The following ANTXR1 variants were observed in gnomAD, a reference collection of about 807,000 sequenced individuals.
ANTXR1 encodes anthrax toxin receptor 1.
Under a neutral mutation model 78.1 loss-of-function variants are expected in ANTXR1, and 19 were observed. That is an observed-to-expected ratio of 0.24 (90% CI 0.17 to 0.36). The LOEUF (loss-of-function observed/expected upper bound fraction) is 0.36. Among genes scored for constraint, ANTXR1 ranks in the 10% least tolerant of loss-of-function variants. ANTXR1 has a pLI of 1.00. For synonymous variants in ANTXR1, 273 were observed against 260.5 expected (o/e 1.05, Z -0.46); for missense variants, 518 against 718.6 (o/e 0.72, Z 3.19).
chr2:69,176,171 T>TAA (rs5831965), intron 14 of ANTXR1, among the ~76,000 whole-genome samples: 1 of 139,290 alleles, frequency 7.2e-6, no homozygotes, highest in Non-Finnish European at 1.6e-5. Context: ...TTTAATACTT[T>TAA]AAAAAAAAAA....
intron 12 of ANTXR1, among the ~76,000 whole-genome samples, chr2:69,143,251 G>A (rs897802799): frequency 1.3e-5 from 2 of 152,222 alleles, no homozygotes; most frequent in Admixed American, 6.5e-5. Flanking sequence ...TGGTATTAGA[G>A]ATGAAGTAGA....
At chr2:69,073,456 A>G (rs1050417886) in intron 6 of ANTXR1, among the ~76,000 whole-genome samples, 3 of 152,220 alleles carry the variant, frequency 2.0e-5, no homozygotes, top group Admixed American at 6.5e-5. Flanking sequence ...TATATTTTCT[A>G]CTAAAACAGG....
At chr2:69,223,561 C>T (rs1675372054) in intron 17 of ANTXR1, among the ~76,000 whole-genome samples, 1 of 152,098 alleles carries the variant, frequency 6.6e-6, no homozygotes, top group Non-Finnish European at 1.5e-5. Context: ...AAGTTTGATC[C>T]AAACTGGGAG....
rs1676003172 is a variant in ANTXR1, at chr2:69,245,538, C to A, written c.*53C>A. On this transcript the variant is annotated 3_prime_UTR_variant, in exon 18 of 18. Transcript: ENST00000303714. ...TCAGAAACTTCAGGAGATGTTAGAA[C>A]AAGTCTTTCCAGTTAGAGAAGAGGA... 4.4e-6 allele frequency: 7 copies of A among 1,604,130 alleles called. No individual in the cohort carries two copies. Among genetic ancestry groups the A allele is most frequent in the African/African-American group, 1.3e-5 (1 of 74,346 alleles).
chr2:69,105,992 A>G (rs1671796253), intron 10 of ANTXR1, among the ~76,000 whole-genome samples: 1 of 152,236 alleles, frequency 6.6e-6, no homozygotes, highest in Non-Finnish European at 1.5e-5. Context: ...AGATATTAAT[A>G]TGATTTTTCA....
Position 69,013,258 on chromosome 2 carries a change from T to C in ANTXR1, c.-242T>C, listed in dbSNP as rs979904491. On this transcript the variant is annotated 5_prime_UTR_variant, in exon 1 of 18. Coordinates refer to ENST00000303714, the MANE Select transcript of ANTXR1 (RefSeq NM_032208.3). This position sits in a 1 kb window ranked among gnomAD's most constrained non-coding sequence, Gnocchi z 5.0. Reference sequence around the variant, plus strand: ...CCCCGGACCGAGGCAGCCCTCCCCTTTAAAAGAAGCGGAGGACAGGATTGG... The same window carrying C: ...CCCCGGACCGAGGCAGCCCTCCCCTCTAAAAGAAGCGGAGGACAGGATTGG... 4 of 627,094 alleles carry C rather than the reference T, an allele frequency of 6.4e-6. No individual in the cohort carries two copies. Among genetic ancestry groups the C allele is most frequent in the Non-Finnish European group, 1.1e-5 (4 of 362,200 alleles). The allele number at this position is 627,094 out of a possible 1,614,324, so 38.8% of individuals were successfully genotyped here.
chr2:69,098,912 G>A (rs982222904), intron 9 of ANTXR1, among the ~76,000 whole-genome samples: 4 of 152,198 alleles, frequency 2.6e-5, no homozygotes, highest in African/African-American at 9.7e-5. Context: ...CTTTAACTTA[G>A]GAGGCGGAGG....
intron 17 of ANTXR1, among the ~76,000 whole-genome samples, chr2:69,198,226 C>T (rs1674705657): frequency 6.6e-6 from 1 of 152,188 alleles, no homozygotes; most frequent in Admixed American, 6.5e-5. Context: ...TACAAATTAA[C>T]CCTCACATTA....
At chr2:69,184,441 G>A (rs1674370251) in intron 16 of ANTXR1, among the ~76,000 whole-genome samples, 1 of 152,216 alleles carries the variant, frequency 6.6e-6, no homozygotes, top group African/African-American at 2.4e-5. Context: ...TGGCGTGCAT[G>A]CATGTGCAGA....
At chr2:69,170,703 C>A (rs1673960015) in intron 14 of ANTXR1, among the ~76,000 whole-genome samples, 1 of 152,122 alleles carries the variant, frequency 6.6e-6, no homozygotes, top group Non-Finnish European at 1.5e-5. Context: ...ATCATTGGTT[C>A]TAGGAATAAC....
At chr2:69,228,698 A>T (rs1404994924) in intron 17 of ANTXR1, among the ~76,000 whole-genome samples, 1 of 152,134 alleles carries the variant, frequency 6.6e-6, no homozygotes, top group Non-Finnish European at 1.5e-5. Flanking sequence ...GAAACTTTTC[A>T]CTCCATAACA....
At chr2:69,017,841 C>G (rs1168209375) in intron 1 of ANTXR1, among the ~76,000 whole-genome samples, 1 of 152,178 alleles carries the variant, frequency 6.6e-6, no homozygotes, top group African/African-American at 2.4e-5. Flanking sequence ...AGGGGATCTT[C>G]CAAGATGAAT....
Position 69,096,344 on chromosome 2 carries a change from G to A in ANTXR1, c.703+5425G>A, listed in dbSNP as rs1234986298. Among the ~76,000 whole-genome samples the A allele has an allele frequency of 6.3e-4, 10 of 15,812 alleles. 1 individual carries two copies. The highest frequency in any genetic ancestry group is 4.7e-3 in the African/African-American group (8 of 1,702). 10.4% of individuals were successfully genotyped at this position (15,812 alleles called of 152,430 possible). ...AGGGAGGAAGGGAGGAAGGGAGGAA[G>A]GGAGGAAGGGAGGAAGGGAGGAAGG... On this transcript the variant is annotated intron_variant, in intron 9 of 17. Coordinates refer to ENST00000303714, the MANE Select transcript of ANTXR1 (RefSeq NM_032208.3).
chr2:69,194,382 A>C (rs1462519790), intron 17 of ANTXR1, among the ~76,000 whole-genome samples: 1 of 152,232 alleles, frequency 6.6e-6, no homozygotes, highest in Non-Finnish European at 1.5e-5. Flanking sequence ...AACTCCTTTC[A>C]AATCAAGCAG....
chr2:69,062,421 C>A (rs1368386370), intron 3 of ANTXR1, among the ~76,000 whole-genome samples: 1 of 152,136 alleles, frequency 6.6e-6, no homozygotes, highest in East Asian at 1.9e-4. Flanking sequence ...TAGCCATCTA[C>A]CAATTCAAAT....
At chr2:69,156,324 T>A (rs1018270671) in intron 13 of ANTXR1, among the ~76,000 whole-genome samples, 1 of 152,174 alleles carries the variant, frequency 6.6e-6, no homozygotes, top group African/African-American at 2.4e-5. Flanking sequence ...TGCATCCTCC[T>A]CCAGCATCCC....
At chr2:69,028,644 G>A (rs996024510) in intron 1 of ANTXR1, among the ~76,000 whole-genome samples, 2 of 152,126 alleles carry the variant, frequency 1.3e-5, no homozygotes, top group Non-Finnish European at 2.9e-5. Flanking sequence ...AAGTGGAAAT[G>A]ACCATTGAAT....
intron 14 of ANTXR1, chr2:69,172,523 T>A: frequency 7.0e-7 from 1 of 1,421,060 alleles, no homozygotes; most frequent in Non-Finnish European, 9.2e-7. Flanking sequence ...CAAATCCCAG[T>A]GTCTAACATT....
intron 12 of ANTXR1, chr2:69,146,078 C>T: frequency 1.0e-6 from 1 of 985,454 alleles, no homozygotes. Flanking sequence ...GAATGTCATC[C>T]CTAATGACAC....
Sources: gnomAD v4.1 joint callset for allele counts (sites outside exome capture counted in the v4.1 genomes callset) on GRCh38, gnomAD v4.1.1 for gene constraint, Gnocchi (gnomAD v3.1) non-coding constraint, MANE v1.5 for transcripts, NCBI Gene and HGNC (gene_info 2026-07-23, HGNC 2026-07-21) for gene names.